DPP10: variants seen among roughly 807,000 people sequenced by gnomAD.
The protein encoded by DPP10 is inactive dipeptidyl peptidase 10.
DPP10 carries 33 observed loss-of-function variants against 120.9 expected under a neutral mutation model. That is an observed-to-expected ratio of 0.27 (90% confidence interval 0.21 to 0.37). The LOEUF (loss-of-function observed/expected upper bound fraction) is 0.37, where lower values mean the gene tolerates loss of function less well. DPP10 is among the 10% of genes least tolerant of loss of function. The probability of loss-of-function intolerance (pLI) is 1.00; values close to 1 mark genes in which losing one functional copy is unlikely to be tolerated. For missense variants in DPP10, 816 were observed against 942.8 expected (o/e 0.87, Z 1.76); for synonymous variants, 337 against 326.1 (o/e 1.03, Z -0.36).
chr2:115,542,327 AG>A (rs2079223438), intron 5 of DPP10, among the ~76,000 whole-genome samples: 1 of 151,966 alleles, frequency 6.6e-6, no homozygotes, highest in Non-Finnish European at 1.5e-5. Flanking sequence ...AGAATCATGA[AG>A]TATATAATTT....
intron 1 of DPP10, among the ~76,000 whole-genome samples, chr2:114,940,520 A>G (rs1441186356): frequency 1.3e-5 from 2 of 151,382 alleles, no homozygotes; most frequent in Non-Finnish European, 2.9e-5. Context: ...ATCAGTTTAC[A>G]TCTAAATAAC....
intron 1 of DPP10, among the ~76,000 whole-genome samples, chr2:114,683,523 T>TCTCC (rs1699162121): frequency 7.3e-6 from 1 of 137,776 alleles, no homozygotes; most frequent in South Asian, 2.6e-4. Flanking sequence ...CTCCCTTCCC[T>TCTCC]CTCCCTTCCT....
At chr2:115,270,898 A>T (rs2059672308) in intron 1 of DPP10, among the ~76,000 whole-genome samples, 1 of 151,734 alleles carries the variant, frequency 6.6e-6, no homozygotes, top group Non-Finnish European at 1.5e-5. Flanking sequence ...GTTTTTTTTT[A>T]AGTTTATCTT....
chr2:115,335,738 A>ATCAGCTAG (rs1188361338), intron 2 of DPP10, among the ~76,000 whole-genome samples: 1 of 152,016 alleles, frequency 6.6e-6, no homozygotes, highest in Non-Finnish European at 1.5e-5. Flanking sequence ...TGTTATTTCA[A>ATCAGCTAG]TCAGCTAGTC....
At chr2:115,021,449 C>T (rs1703067776) in intron 1 of DPP10, among the ~76,000 whole-genome samples, 1 of 151,906 alleles carries the variant, frequency 6.6e-6, no homozygotes, top group Non-Finnish European at 1.5e-5. Context: ...AATATACAAC[C>T]CTCCTAGATT....
At chr2:115,469,228 G>A (rs1353647838) in intron 3 of DPP10, among the ~76,000 whole-genome samples, 1 of 152,144 alleles carries the variant, frequency 6.6e-6, no homozygotes, top group Non-Finnish European at 1.5e-5. Context: ...GAAATATAAA[G>A]TTATGAATTT....
intron 2 of DPP10, among the ~76,000 whole-genome samples, chr2:115,312,947 G>T (rs1482815997): frequency 1.3e-5 from 2 of 152,150 alleles, no homozygotes; most frequent in Non-Finnish European, 2.9e-5. Flanking sequence ...AGTCAGGCCG[G>T]ACGCGATGGC....
At chr2:115,534,873 C>T (rs1197102660) in intron 5 of DPP10, among the ~76,000 whole-genome samples, 6 of 152,120 alleles carry the variant, frequency 3.9e-5, no homozygotes, top group South Asian at 4.2e-4. Flanking sequence ...TGATGGTGAG[C>T]GTTTTTTCAT....
At chr2:115,274,043 G>C (rs986229124) in intron 1 of DPP10, among the ~76,000 whole-genome samples, 1 of 152,080 alleles carries the variant, frequency 6.6e-6, no homozygotes, top group Non-Finnish European at 1.5e-5. Context: ...GGAATGAGCA[G>C]GTTACTCCTG....
intron 1 of DPP10, among the ~76,000 whole-genome samples, chr2:114,953,359 T>C (rs980317): frequency 0.25 from 37,733 of 151,982 alleles, 5,077 homozygotes; most frequent in South Asian, 0.38. Flanking sequence ...ACTTCAAATG[T>C]CCTATAAACC....
At chr2:115,631,948 T>G (rs556386576) in intron 5 of DPP10, among the ~76,000 whole-genome samples, 9 of 152,186 alleles carry the variant, frequency 5.9e-5, no homozygotes, top group Non-Finnish European at 1.3e-4. Context: ...AGAACTGAGT[T>G]CAAGTCCCGT....
At chr2:114,460,336 G>A (rs762121013) in intron 1 of DPP10, among the ~76,000 whole-genome samples, 25 of 151,988 alleles carry the variant, frequency 1.6e-4, no homozygotes, top group Non-Finnish European at 2.9e-4. Context: ...TTGTGTTTTG[G>A]TATAGTACTG....
chr2:114,996,658 G>A (rs1701104314), intron 1 of DPP10, among the ~76,000 whole-genome samples: 1 of 152,080 alleles, frequency 6.6e-6, no homozygotes, highest in African/African-American at 2.4e-5. Context: ...CATAGAACAA[G>A]CTAAAACTTT....
At chr2:115,528,797 A>G (rs1361734905) in intron 5 of DPP10, among the ~76,000 whole-genome samples, 1 of 152,160 alleles carries the variant, frequency 6.6e-6, no homozygotes, top group African/African-American at 2.4e-5. Context: ...TCTATATAAC[A>G]TTCTCAAAAT....
chr2:114,892,667 G>A (rs1421553333), intron 1 of DPP10, among the ~76,000 whole-genome samples: 1 of 152,150 alleles, frequency 6.6e-6, no homozygotes, highest in East Asian at 1.9e-4. Context: ...CTTCTCCTAC[G>A]GAACCTCAGG....
At chr2:115,392,096 A>G (rs2067357352) in intron 3 of DPP10, among the ~76,000 whole-genome samples, 1 of 152,188 alleles carries the variant, frequency 6.6e-6, no homozygotes, top group Non-Finnish European at 1.5e-5. Context: ...CCTTTTAGGC[A>G]CAACTATTTG....
At chr2:115,058,480 AC>A (rs372733287) in intron 1 of DPP10, among the ~76,000 whole-genome samples, 1 of 152,070 alleles carries the variant, frequency 6.6e-6, no homozygotes, top group African/African-American at 2.4e-5. Context: ...GTTCACTGCA[AC>A]CTCCGCCTCC....
chr2:115,745,589 A>G (rs1168689310), intron 9 of DPP10, among the ~76,000 whole-genome samples: 4 of 150,764 alleles, frequency 2.7e-5, no homozygotes, highest in Non-Finnish European at 2.9e-5. Context: ...ATGCGATAGC[A>G]TACATTACGG....
At chr2:115,541,812 G>A (rs1287867932) in intron 5 of DPP10, among the ~76,000 whole-genome samples, 2 of 151,802 alleles carry the variant, frequency 1.3e-5, no homozygotes, top group Non-Finnish European at 1.5e-5. Flanking sequence ...ATAATAGTGG[G>A]GAGAGATAAA....
Sources: gnomAD v4.1 joint callset for allele counts (sites outside exome capture counted in the v4.1 genomes callset) on GRCh38, gnomAD v4.1.1 for gene constraint, MANE v1.5 for transcripts, NCBI Gene and HGNC (gene_info 2026-07-23, HGNC 2026-07-21) for gene names.